The following MCM6 variants were observed in gnomAD, a reference collection of about 807,000 sequenced individuals.
The protein encoded by MCM6 is minichromosome maintenance complex component 6, also known as DNA replication licensing factor MCM6.
In MCM6, 46 loss-of-function variants were observed where a neutral mutation model predicts 94.3. The observed-to-expected ratio is 0.49, with a 90% CI of 0.39 to 0.62. The LOEUF is 0.62. MCM6 is among the 20% of genes least tolerant of loss of function. The probability of loss-of-function intolerance (pLI) is 0.00; values close to 1 mark genes in which losing one functional copy is unlikely to be tolerated. For synonymous variants in MCM6, 335 were observed against 351.9 expected, an observed-to-expected ratio of 0.95 and a Z score of 0.54; for missense variants, 865 against 1,017.9, an observed-to-expected ratio of 0.85 and a Z score of 2.04.
rs751524590 is a variant in MCM6, at chr2:135,868,910, A to C, written c.366-50T>G. The C allele has an allele frequency of 1.9e-6, 3 of 1,564,264 alleles. No homozygotes were observed. In the South Asian group the frequency reaches 3.4e-5, roughly 18 times the overall value. Reference sequence around the variant, plus strand: ...AGTAAACATTCATCTCTTAACTAAGAATCTTTCCATTTTAGTGAGAGGGTA... The same window carrying C: ...AGTAAACATTCATCTCTTAACTAAGCATCTTTCCATTTTAGTGAGAGGGTA... On this transcript the variant is annotated intron_variant, in intron 3 of 16. Transcript: ENST00000264156.
At chr2:135,868,935 AT>A in intron 3 of MCM6, 75 bp from the exon 4 acceptor site, 1 of 1,387,104 alleles carries the variant, frequency 7.2e-7, no homozygotes, top group Non-Finnish European at 1.0e-6. Context: ...GTGAGAGGGT[AT>A]TCAAAGATAA....
In MCM6 at chr2:135,851,176, C is replaced by G. The variant is rs145946881; in HGVS notation, c.1917+226G>C. Among the ~76,000 whole-genome samples the G allele has an allele frequency of 1.6e-4, 24 of 152,286 alleles. 3 individuals are homozygous for G. The highest frequency in any genetic ancestry group is 5.5e-4 in the African/African-American group (23 of 41,564). ...ATGAAAGGTATTAAATGGTAACTTACGTCTTTATGCACTCTATAAACTATG... is the reference window on the plus strand; with the variant it reads ...ATGAAAGGTATTAAATGGTAACTTAGGTCTTTATGCACTCTATAAACTATG... On this transcript the variant is annotated intron_variant, in intron 13 of 16. Transcript: ENST00000264156.
At chr2:135,854,413 C>T (rs1333161871) in intron 11 of MCM6, among the ~76,000 whole-genome samples, 2 of 151,160 alleles carry the variant, frequency 1.3e-5, no homozygotes, top group Admixed American at 1.3e-4. Flanking sequence ...GCCTGTGATC[C>T]CAGCTACTCA....
chr2:135,864,562 C>T (rs1243086765), intron 7 of MCM6, among the ~76,000 whole-genome samples: 1 of 152,146 alleles, frequency 6.6e-6, no homozygotes, highest in Non-Finnish European at 1.5e-5. Flanking sequence ...TTAAGTGCAG[C>T]TCTGTCATAA....
At chr2:135,860,628 T>A (rs1392744620) in intron 8 of MCM6, among the ~76,000 whole-genome samples, 2 of 152,156 alleles carry the variant, frequency 1.3e-5, no homozygotes, top group African/African-American at 4.8e-5. Flanking sequence ...CCTAAACAGA[T>A]GTAGAAAAAG....
At position 135,865,286 on chromosome 2, in the gene MCM6, TAAAGGTTTAAAA is replaced by T. The variant is rs990166160; in HGVS notation, c.928-135_928-124del. 22 of 621,050 alleles carry T rather than the reference TAAAGGTTTAAAA, an allele frequency of 3.5e-5. No homozygotes were observed. In the African/African-American group the frequency reaches 4.0e-4, roughly 11 times the overall value. 38.5% of individuals were successfully genotyped at this position (621,050 alleles called of 1,614,324 possible). ...AGTCAACCTCACAATTTATTGACTG[TAAAGGTTTAAAA>T]AAAAACAACTCCCCAAACTAGTAAG... On this transcript the variant is annotated intron_variant, in intron 6 of 16. Coordinates refer to ENST00000264156, the MANE Select transcript of MCM6 (RefSeq NM_005915.6).
rs1273011513 is a variant in MCM6, at chr2:135,840,435, T to G, written c.*400A>C. 6.4e-6 allele frequency: 1 copy of G among 156,580 alleles called. No individual in the cohort carries two copies. The highest frequency in any genetic ancestry group is 1.4e-5 in the Non-Finnish European group (1 of 70,958). The allele number at this position is 156,580 out of a possible 1,614,324, so 9.7% of individuals were successfully genotyped here. Reference sequence around the variant, plus strand: ...CAGGGTACAGTAGAAAGAAATCCAATAGACAACTTCAGAACAAGTTATTTT... The same window carrying G: ...CAGGGTACAGTAGAAAGAAATCCAAGAGACAACTTCAGAACAAGTTATTTT... On this transcript the variant is annotated 3_prime_UTR_variant, in exon 17 of 17. Transcript: ENST00000264156.
chr2:135,851,792 T>C (rs935838867), intron 12 of MCM6: 11 of 350,014 alleles, frequency 3.1e-5, no homozygotes, highest in Non-Finnish European at 5.2e-5. Flanking sequence ...AAAAAAGGCT[T>C]AGTATTTAAG....
Position 135,844,428 on chromosome 2 carries a change from C to T in MCM6, c.2349+117G>A, listed in dbSNP as rs1029452986. On this transcript the variant is annotated intron_variant, in intron 16 of 16. Transcript: ENST00000264156. ...ATTTTACAACTCATACTTCTGACTA[C>T]ACTCCAATGATTCAAAACAAACAAA... The T allele has an allele frequency of 1.1e-5, 9 of 813,786 alleles. No homozygotes were observed. The Admixed American group carries it at 2.0e-4, about 18-fold the overall frequency. The allele number at this position is 813,786 out of a possible 1,614,324, so 50.4% of individuals were successfully genotyped here.
At chr2:135,859,518 G>A (rs1679948768) in intron 8 of MCM6, 76 bp from the exon 9 acceptor site, 1 of 996,142 alleles carries the variant, frequency 1.0e-6, no homozygotes, top group Non-Finnish European at 1.5e-6. Flanking sequence ...CAGCAGAAGA[G>A]TTTAAATTAC....
At position 135,840,873 on chromosome 2, in the gene MCM6, A is replaced by G. The variant is rs55660827; in HGVS notation, c.2428T>C (p.Tyr810His). The change falls in exon 17 of 17, where the codon TAC becomes CAC. Residue 810 changes from tyrosine (Y) to histidine (H), a missense_variant. Tyr to His is a moderately conservative substitution (Grantham distance 83, BLOSUM62 2). Transcript: ENST00000264156. ...EGSESYEEDP[Y>H]LVVNPNYLLE... ...AAGTAGTTAGGGTTAACTACCAAGT[A>G]GGGATCTTCTTCATAGCTCTCACTT... The G allele has an allele frequency of 7.5e-4, 1,215 of 1,614,120 alleles. 216 individuals carry two copies. The Middle Eastern group carries it at 0.13, about 176-fold the overall frequency.
chr2:135,856,641 T>G, intron 11 of MCM6, 87 bp downstream of exon 11: 3 of 1,386,572 alleles, frequency 2.2e-6, no homozygotes, highest in Non-Finnish European at 3.0e-6. Context: ...TGCACATACA[T>G]GCACCAGCTG....
chr2:135,851,274 G>A (rs56150605), intron 13 of MCM6, 128 bp downstream of exon 13: 9 of 683,266 alleles, frequency 1.3e-5, no homozygotes, highest in Admixed American at 2.9e-5. Context: ...TTCCATGGTC[G>A]TATGAGCATT....
At chr2:135,863,562 A>T (rs987770176) in intron 7 of MCM6, among the ~76,000 whole-genome samples, 1 of 150,730 alleles carries the variant, frequency 6.6e-6, no homozygotes, top group Non-Finnish European at 1.5e-5. Flanking sequence ...CCCATCTCTA[A>T]AAAAAAAAAT....
At chr2:135,862,926 T>C (rs753033023) in intron 7 of MCM6, among the ~76,000 whole-genome samples, 178 bp from the exon 8 acceptor site, 3 of 152,196 alleles carry the variant, frequency 2.0e-5, no homozygotes, top group Non-Finnish European at 4.4e-5. Flanking sequence ...GTGGACTTAG[T>C]CACCTAAACC....
Position 135,848,047 on chromosome 2 carries a change from T to C in MCM6, c.2053+6A>G. 1 of 1,603,768 alleles carries C rather than the reference T, an allele frequency of 6.2e-7. No individual in the cohort carries two copies. The highest frequency in any genetic ancestry group is 1.1e-5 in the South Asian group (1 of 90,608). The stretch of plus-strand genomic sequence containing the variant: ...TCCAAAACAGTCACATGAACAAGTA[T>C]CTCACCATTGATGCCACCAGCACCC... On this transcript the variant is annotated splice_donor_region_variant and intron_variant, in intron 14 of 16. Transcript: ENST00000264156.
chr2:135,848,689 GC>G (rs1274989593), intron 13 of MCM6, among the ~76,000 whole-genome samples: 5 of 152,106 alleles, frequency 3.3e-5, no homozygotes. Context: ...TTTGAGACCA[GC>G]CTGACCAACA....
At position 135,870,248 on chromosome 2, in the gene MCM6, T is replaced by C. The variant is rs1487474355; in HGVS notation, c.365+3A>G. The C allele has an allele frequency of 6.2e-7, 1 of 1,605,246 alleles. No individual in the cohort carries two copies. The highest frequency in any genetic ancestry group is 1.7e-5 in the Admixed American group (1 of 59,996). On this transcript the variant is annotated splice_donor_region_variant and intron_variant, in intron 3 of 16. Transcript: ENST00000264156. ...CCTTTTTTTCCAGAGAAGGGTTTCT[T>C]ACTTGTGTCTGGTAGGCAGGTCTTG...
At position 135,876,401 on chromosome 2, in the gene MCM6, T is replaced by C; in HGVS notation, c.-36A>G. On this transcript the variant is annotated 5_prime_UTR_variant, in exon 1 of 17. Coordinates refer to ENST00000264156, the MANE Select transcript of MCM6 (RefSeq NM_005915.6). Reference sequence around the variant, plus strand: ...TGCCGAGGATTCGCCTGCGCCACGCTCGACCGCCACAAGTCGCTTTTTTCC... The same window carrying C: ...TGCCGAGGATTCGCCTGCGCCACGCCCGACCGCCACAAGTCGCTTTTTTCC... The C allele has an allele frequency of 6.5e-7, 1 of 1,531,602 alleles. No individual in the cohort carries two copies. Among genetic ancestry groups the C allele is most frequent in the Non-Finnish European group, 8.8e-7 (1 of 1,135,716 alleles). 94.9% of individuals were successfully genotyped at this position (1,531,602 alleles called of 1,614,324 possible).
Sources: allele counts gnomAD v4.1 joint callset (sites outside exome capture counted in the v4.1 genomes callset), GRCh38; gene constraint gnomAD v4.1.1; transcripts MANE v1.5; gene names NCBI Gene and HGNC (gene_info 2026-07-23, HGNC 2026-07-21).